Variants in MYO5C observed in about 807,000 individuals in gnomAD.
MYO5C encodes unconventional myosin-Vc.
In MYO5C, 194 loss-of-function variants were observed where a neutral mutation model predicts 235.7. The ratio of observed to expected loss-of-function variants is 0.82; its 90% CI spans 0.73 to 0.93. MYO5C has a LOEUF of 0.93. Among genes scored for constraint, MYO5C ranks in the 40% least tolerant of loss-of-function variants. The pLI, the probability that MYO5C is intolerant of heterozygous loss-of-function variation, is 0.00. For missense variants in MYO5C, 2,038 were observed against 2,127.2 expected, an observed-to-expected ratio of 0.96 and a Z score of 0.82; for synonymous variants, 707 against 754.8, an observed-to-expected ratio of 0.94 and a Z score of 1.04.
chr15:52,283,719 A>G (rs1193909786), intron 1 of MYO5C, among the ~76,000 whole-genome samples: 1 of 151,796 alleles, frequency 6.6e-6, no homozygotes, highest in Non-Finnish European at 1.5e-5. Context: ...CTTGTTGCCC[A>G]GGCTGTAGTG....
At chr15:52,293,739 A>AC (rs2037442799) in intron 1 of MYO5C, among the ~76,000 whole-genome samples, 1 of 152,088 alleles carries the variant, frequency 6.6e-6, no homozygotes, top group African/African-American at 2.4e-5. Context: ...ATGACCTGAG[A>AC]ATTCAGCTAC....
chr15:52,241,549 G>A (rs1015660113), intron 20 of MYO5C, among the ~76,000 whole-genome samples: 3 of 152,074 alleles, frequency 2.0e-5, no homozygotes, highest in Non-Finnish European at 2.9e-5. Flanking sequence ...GTGAGCCACC[G>A]TGCCCAGCCA....
chr15:52,274,673 C>A (rs200206020), intron 5 of MYO5C, among the ~76,000 whole-genome samples: 5 of 134,672 alleles, frequency 3.7e-5, no homozygotes, highest in African/African-American at 1.4e-4. Flanking sequence ...TCTTAGTACC[C>A]CCCCCCCGAC....
At chr15:52,221,693 C>T (rs1352575381) in intron 29 of MYO5C, among the ~76,000 whole-genome samples, 2 of 152,156 alleles carry the variant, frequency 1.3e-5, no homozygotes, top group African/African-American at 2.4e-5. Flanking sequence ...TGGAATCACC[C>T]GGTAAGTTTC....
Position 52,196,413 on chromosome 15 carries a change from A to G in MYO5C, c.4891T>C (p.Leu1631=), listed in dbSNP as rs2035053628. ...NLQNSLAKET[L]EPLSQAAWLL... ...CAGGCTGCCTGAGAGAGGGGCTCCA[A>G]AGTTTCCTTTGCTAAGCTGTTCTGC... Residue 1631 remains leucine (L), a synonymous_variant, in exon 39 of 41, where the codon TTG becomes CTG. Coordinates refer to ENST00000261839, the MANE Select transcript of MYO5C (RefSeq NM_018728.4). 1 of 1,614,092 alleles carries G rather than the reference A, an allele frequency of 6.2e-7. No homozygotes were observed. Among genetic ancestry groups the G allele is most frequent in the African/African-American group, 1.3e-5 (1 of 74,934 alleles).
chr15:52,268,869 G>T (rs1378817962), intron 8 of MYO5C, among the ~76,000 whole-genome samples: 1 of 152,220 alleles, frequency 6.6e-6, no homozygotes, highest in Non-Finnish European at 1.5e-5. Flanking sequence ...GCAAAAGCCA[G>T]TTCCACTCTG....
At chr15:52,280,274 A>G (rs2140858439) in intron 2 of MYO5C, among the ~76,000 whole-genome samples, 1 of 152,330 alleles carries the variant, frequency 6.6e-6, no homozygotes, top group East Asian at 1.9e-4. Flanking sequence ...AGTTGCCCAC[A>G]TGCCCGAGGG....
intron 10 of MYO5C, among the ~76,000 whole-genome samples, chr15:52,259,070 C>G (rs1014247033): frequency 4.6e-5 from 7 of 152,300 alleles, no homozygotes; most frequent in African/African-American, 1.4e-4. Context: ...TACATCTATG[C>G]TGTTCAACCA....
At chr15:52,199,973 A>T (rs988446061) in intron 38 of MYO5C, among the ~76,000 whole-genome samples, 1 of 152,208 alleles carries the variant, frequency 6.6e-6, no homozygotes, top group Non-Finnish European at 1.5e-5. Context: ...GAAAGTTGGG[A>T]AAAGCAGTTT....
intron 20 of MYO5C, among the ~76,000 whole-genome samples, chr15:52,241,249 T>TC (rs1596180750): frequency 8.9e-6 from 1 of 112,936 alleles, no homozygotes; most frequent in Admixed American, 1.1e-4. Flanking sequence ...AGTGGGCTAA[T>TC]CTTTTTTTTT....
At chr15:52,226,726 C>T (rs2035831068) in intron 25 of MYO5C, among the ~76,000 whole-genome samples, 2 of 152,208 alleles carry the variant, frequency 1.3e-5, no homozygotes, top group Admixed American at 1.3e-4. Flanking sequence ...CAGGACTATC[C>T]AAATCCTGAA....
chr15:52,231,469 G>A (rs934738264), intron 24 of MYO5C, among the ~76,000 whole-genome samples: 5 of 152,184 alleles, frequency 3.3e-5, no homozygotes, highest in African/African-American at 7.2e-5. Context: ...GACAGATGCC[G>A]AGAGCCGAGC....
At chr15:52,257,140 G>A (rs969800048) in intron 10 of MYO5C, among the ~76,000 whole-genome samples, 1 of 152,240 alleles carries the variant, frequency 6.6e-6, no homozygotes, top group Admixed American at 6.5e-5. Flanking sequence ...TGCCTCCAAT[G>A]AGAAGGCAAT....
Position 52,251,927 on chromosome 15 carries a change from A to G in MYO5C, c.1537-412T>C, listed in dbSNP as rs117867197. 1.8e-3 allele frequency among the ~76,000 whole-genome samples: 267 copies of G among 152,240 alleles called. 4 individuals are homozygous for G. In the East Asian group the frequency reaches 0.039, roughly 22 times the overall value. Reference sequence around the variant, plus strand: ...TGATCCACCCACCTTGGCCTCCCCAAAGTGCTGGGGTTACAGGCAAGAGCC... The same window carrying G: ...TGATCCACCCACCTTGGCCTCCCCAGAGTGCTGGGGTTACAGGCAAGAGCC... On this transcript the variant is annotated intron_variant, in intron 12 of 40. Transcript: ENST00000261839.
chr15:52,258,639 A>C (rs2036628816), intron 10 of MYO5C, among the ~76,000 whole-genome samples: 1 of 152,192 alleles, frequency 6.6e-6, no homozygotes, highest in African/African-American at 2.4e-5. Flanking sequence ...TTAGCCTAGA[A>C]GCGAGGCTGC....
At chr15:52,285,858 G>A (rs1374075992) in intron 1 of MYO5C, among the ~76,000 whole-genome samples, 1 of 152,216 alleles carries the variant, frequency 6.6e-6, no homozygotes, top group African/African-American at 2.4e-5. Flanking sequence ...GCCTCCCAAA[G>A]TGCCGAGATT....
intron 1 of MYO5C, among the ~76,000 whole-genome samples, chr15:52,283,499 G>A (rs2140863047): frequency 6.6e-6 from 1 of 152,304 alleles, no homozygotes; most frequent in South Asian, 2.1e-4. Flanking sequence ...GCAATGGCAC[G>A]CCTGGCTCAG....
chr15:52,205,265 C>T, intron 37 of MYO5C, 118 bp from the exon 38 acceptor site: 1 of 1,149,092 alleles, frequency 8.7e-7, no homozygotes, highest in South Asian at 1.5e-5. Context: ...AGTGGATGTA[C>T]TTATGATAGA....
chr15:52,225,518 G>C lies in MYO5C; in HGVS notation c.3222C>G (p.Phe1074Leu), dbSNP rs773376914. Residue 1074 changes from phenylalanine to leucine, a missense_variant, in exon 26 of 41, where the codon TTC (phenylalanine) becomes TTG (leucine). Coordinates refer to ENST00000261839, the MANE Select transcript of MYO5C (RefSeq NM_018728.4). ...CCTGAAGTAGTTCTATCTCTTTTTCGAACTCAGAGATTGTCTGAATCACAG... is the reference window on the plus strand; with the variant it reads ...CCTGAAGTAGTTCTATCTCTTTTTCCAACTCAGAGATTGTCTGAATCACAG... ...LSKQVKTISE[F>L]EKEIELLQAQ... is the part of the protein sequence containing the mutation. 12 of 1,611,370 alleles carry C rather than the reference G, an allele frequency of 7.4e-6. No individual in the cohort carries two copies. Among genetic ancestry groups the C allele is most frequent in the Non-Finnish European group, 1.0e-5 (12 of 1,178,534 alleles).
Sources: allele counts gnomAD v4.1 joint callset (sites outside exome capture counted in the v4.1 genomes callset), GRCh38; gene constraint gnomAD v4.1.1; transcripts MANE v1.5; gene names NCBI Gene and HGNC (gene_info 2026-07-23, HGNC 2026-07-21).